GRIN2A: variants seen among roughly 807,000 people sequenced by gnomAD.
GRIN2A encodes the protein glutamate receptor ionotropic, NMDA 2A.
GRIN2A carries 22 observed loss-of-function variants against 113.4 expected under a neutral mutation model. The ratio of observed to expected loss-of-function variants is 0.19; its 90% CI spans 0.14 to 0.28. The LOEUF (loss-of-function observed/expected upper bound fraction) is 0.28. Among genes scored for constraint, GRIN2A ranks in the 10% least tolerant of loss-of-function variants. The pLI, the probability that GRIN2A is intolerant of heterozygous loss-of-function variation, is 1.00. For missense variants in GRIN2A, 1,502 were observed against 1,887.0 expected, an observed-to-expected ratio of 0.80 and a Z score of 3.78; for synonymous variants, 827 against 738.4, an observed-to-expected ratio of 1.12 and a Z score of -1.94.
chr16:9,897,966 T>C (rs566642655), intron 3 of GRIN2A, among the ~76,000 whole-genome samples: 1 of 151,718 alleles, frequency 6.6e-6, no homozygotes, highest in South Asian at 2.1e-4. Flanking sequence ...TGAGGTTTCA[T>C]GACATCGAGG....
At chr16:10,081,105 C>T (rs774863266) in intron 2 of GRIN2A, among the ~76,000 whole-genome samples, 5 of 152,118 alleles carry the variant, frequency 3.3e-5, no homozygotes, top group African/African-American at 4.8e-5. Context: ...GGTCAAATGT[C>T]GTTAATATAA....
chr16:9,967,851 T>C (rs1391913591), intron 2 of GRIN2A, among the ~76,000 whole-genome samples: 1 of 152,168 alleles, frequency 6.6e-6, no homozygotes. Context: ...AACTTATCCC[T>C]GTAACCAAAA....
intron 2 of GRIN2A, among the ~76,000 whole-genome samples, chr16:10,092,383 G>A (rs1271009186): frequency 6.6e-6 from 1 of 152,136 alleles, no homozygotes; most frequent in Non-Finnish European, 1.5e-5. Context: ...GTCTTCCCAC[G>A]TTAGCAGTCG....
At chr16:10,039,522 G>C (rs1242135697) in intron 2 of GRIN2A, among the ~76,000 whole-genome samples, 1 of 151,966 alleles carries the variant, frequency 6.6e-6, no homozygotes, top group Non-Finnish European at 1.5e-5. Context: ...CTCTCCCTAG[G>C]GGCAGGATGG....
chr16:9,771,425 A>G (rs926258257), intron 11 of GRIN2A, among the ~76,000 whole-genome samples: 2 of 151,638 alleles, frequency 1.3e-5, no homozygotes, highest in Non-Finnish European at 2.9e-5. Flanking sequence ...TGGTTCTTTT[A>G]CAGTTCTGCC....
intron 3 of GRIN2A, among the ~76,000 whole-genome samples, chr16:9,912,846 A>G (rs2044173208): frequency 6.6e-6 from 1 of 152,252 alleles, no homozygotes; most frequent in Admixed American, 6.5e-5. Flanking sequence ...CATATCTAAA[A>G]GGCAGTAATA....
chr16:9,906,458 G>A (rs147914965), intron 3 of GRIN2A, among the ~76,000 whole-genome samples: 7 of 152,204 alleles, frequency 4.6e-5, no homozygotes, highest in East Asian at 3.9e-4. Context: ...CTTCCCCCAC[G>A]AACCCTGGAG....
At chr16:10,007,768 G>A (rs1289225732) in intron 2 of GRIN2A, among the ~76,000 whole-genome samples, 1 of 152,160 alleles carries the variant, frequency 6.6e-6, no homozygotes, top group Non-Finnish European at 1.5e-5. Flanking sequence ...ACACATAGAT[G>A]TAAGTGACAA....
chr16:9,809,693 T>C (rs2042049365), intron 10 of GRIN2A, among the ~76,000 whole-genome samples: 1 of 152,192 alleles, frequency 6.6e-6, no homozygotes, highest in Non-Finnish European at 1.5e-5. Flanking sequence ...TTAAGCTGTC[T>C]GTATAGTGGA....
At chr16:10,088,951 T>C (rs528331484) in intron 2 of GRIN2A, among the ~76,000 whole-genome samples, 3 of 152,246 alleles carry the variant, frequency 2.0e-5, no homozygotes, top group Non-Finnish European at 4.4e-5. Context: ...GACACCCTTC[T>C]CTATGCCCCA....
rs770911557 is a variant in GRIN2A, at chr16:9,938,216, C to G, written c.750G>C (p.Gly250=). 1.9e-6 allele frequency: 3 copies of G among 1,614,032 alleles called. No homozygotes were observed. The highest frequency in any genetic ancestry group is 1.7e-6 in the Non-Finnish European group (2 of 1,179,912). ...TGGGGACAATCCAGAAGAAATCATA[C>G]CCGGTGAGGCCAAGGGAGCGGGCCT... ...LSEARSLGLT[G]YDFFWIVPSL... is the part of the protein sequence containing the mutation. Residue 250 remains glycine (G), a synonymous_variant, in exon 3 of 13, where the codon GGG becomes GGC. Transcript: ENST00000330684.
At chr16:10,040,542 C>T (rs1264849513) in intron 2 of GRIN2A, among the ~76,000 whole-genome samples, 1 of 150,908 alleles carries the variant, frequency 6.6e-6, no homozygotes, top group Middle Eastern at 3.2e-3. Context: ...TAATGCTGCA[C>T]ACTCACAGCA....
At chr16:10,129,864 G>A (rs2049025698) in intron 2 of GRIN2A, among the ~76,000 whole-genome samples, 1 of 152,230 alleles carries the variant, frequency 6.6e-6, no homozygotes, top group African/African-American at 2.4e-5. Flanking sequence ...GCTGGAAGAA[G>A]ATACCAGTTT....
chr16:9,947,343 C>T (rs1274388183), intron 2 of GRIN2A, among the ~76,000 whole-genome samples: 1 of 152,194 alleles, frequency 6.6e-6, no homozygotes, highest in Non-Finnish European at 1.5e-5. Context: ...GACAAGTTGC[C>T]ACCAATAATA....
chr16:9,858,301 G>T (rs2043002512), intron 4 of GRIN2A, among the ~76,000 whole-genome samples: 1 of 152,146 alleles, frequency 6.6e-6, no homozygotes, highest in Admixed American at 6.5e-5. Context: ...CACTTATTAT[G>T]TATCAGGCAC....
At chr16:10,094,746 G>A (rs572745748) in intron 2 of GRIN2A, among the ~76,000 whole-genome samples, 1 of 152,204 alleles carries the variant, frequency 6.6e-6, no homozygotes, top group South Asian at 2.1e-4. Flanking sequence ...CACTGTGCCT[G>A]GCCCAGAAAG....
intron 2 of GRIN2A, among the ~76,000 whole-genome samples, chr16:10,064,449 ATC>A: frequency 6.6e-6 from 1 of 152,330 alleles, no homozygotes; most frequent in East Asian, 1.9e-4. Flanking sequence ...CTAGGACTTT[ATC>A]AACGGGAAAA....
chr16:9,991,233 G>GTAT (rs1359107831), intron 2 of GRIN2A, among the ~76,000 whole-genome samples: 1 of 152,180 alleles, frequency 6.6e-6, no homozygotes, highest in Non-Finnish European at 1.5e-5. Flanking sequence ...ATATCAGGTA[G>GTAT]TATTATTAAC....
intron 2 of GRIN2A, among the ~76,000 whole-genome samples, chr16:10,049,353 C>T (rs1444837139): frequency 1.3e-5 from 2 of 152,036 alleles, no homozygotes; most frequent in Admixed American, 1.3e-4. Flanking sequence ...GTTGTCACAG[C>T]ATTACCACCT....
Sources: gnomAD v4.1 joint callset for allele counts (sites outside exome capture counted in the v4.1 genomes callset) on GRCh38, gnomAD v4.1.1 for gene constraint, MANE v1.5 for transcripts, NCBI Gene and HGNC (gene_info 2026-07-23, HGNC 2026-07-21) for gene names.